Variants in RNGTT observed in about 807,000 individuals in gnomAD.
The protein encoded by RNGTT is mRNA-capping enzyme.
Under a neutral mutation model 79.3 loss-of-function variants are expected in RNGTT, and 33 were observed. That is an observed-to-expected ratio of 0.42 (90% CI 0.32 to 0.56). RNGTT has a LOEUF of 0.56. Ranked by LOEUF, RNGTT falls within the 20% of genes least tolerant of loss-of-function variation. The probability of loss-of-function intolerance (pLI) is 0.17; values close to 1 mark genes in which losing one functional copy is unlikely to be tolerated. For missense variants in RNGTT, 497 were observed against 739.1 expected (o/e 0.67, Z 3.80); for synonymous variants, 222 against 235.9 (o/e 0.94, Z 0.54).
intron 12 of RNGTT, among the ~76,000 whole-genome samples, chr6:88,773,626 C>T (rs532195329): frequency 7.1e-4 from 107 of 151,768 alleles, no homozygotes; most frequent in Non-Finnish European, 1.3e-3. Context: ...AAAACACCAA[C>T]AGAATAGAAT....
chr6:88,802,735 C>T (rs1208414990), intron 11 of RNGTT, among the ~76,000 whole-genome samples: 1 of 152,106 alleles, frequency 6.6e-6, no homozygotes, highest in African/African-American at 2.4e-5. Context: ...GAGTGTCAAG[C>T]AAAGGGGGAA....
rs576698065 is a variant in RNGTT at position 88,963,603 on chromosome 6, G to A, written c.-194C>T. 330 of 511,092 alleles carry A rather than the reference G, an allele frequency of 6.5e-4. 3 individuals are homozygous for A. Among genetic ancestry groups the A allele is most frequent in the African/African-American group, 6.1e-3 (305 of 49,756 alleles). The allele number at this position is 511,092 out of a possible 1,614,324, so 31.7% of individuals were successfully genotyped here. Reference sequence around the variant, plus strand: ...ATTCAGGATCAACTCCACAGCTCCAGGAGAACCCACAATGCACCGCAACTT... The same window carrying A: ...ATTCAGGATCAACTCCACAGCTCCAAGAGAACCCACAATGCACCGCAACTT... On this transcript the variant is annotated 5_prime_UTR_variant, in exon 1 of 16. Coordinates refer to ENST00000369485, the MANE Select transcript of RNGTT (RefSeq NM_003800.5).
chr6:88,945,852 C>A (rs1784991536), intron 1 of RNGTT, among the ~76,000 whole-genome samples: 1 of 152,160 alleles, frequency 6.6e-6, no homozygotes, highest in African/African-American at 2.4e-5. Context: ...CTGCTCCTCC[C>A]CTTTCATAGC....
At chr6:88,735,567 T>TA (rs71554796) in intron 13 of RNGTT, among the ~76,000 whole-genome samples, 2,383 of 120,756 alleles carry the variant, frequency 0.02, 43 homozygotes, top group East Asian at 0.062. Flanking sequence ...ACACGAGTGT[T>TA]AAAAAAAAAA....
chr6:88,836,384 C>T (rs994430621), intron 11 of RNGTT, among the ~76,000 whole-genome samples: 1 of 151,970 alleles, frequency 6.6e-6, no homozygotes, highest in Admixed American at 6.6e-5. Flanking sequence ...AAAACTCTCA[C>T]AATCCTGGGA....
intron 14 of RNGTT, among the ~76,000 whole-genome samples, chr6:88,633,295 A>G (rs1405877973): frequency 6.6e-6 from 1 of 152,170 alleles, no homozygotes; most frequent in Non-Finnish European, 1.5e-5. Context: ...ACATTATACA[A>G]AGGAATTATA....
At chr6:88,646,389 T>C (rs1424896947) in intron 14 of RNGTT, among the ~76,000 whole-genome samples, 1 of 152,232 alleles carries the variant, frequency 6.6e-6, no homozygotes, top group Non-Finnish European at 1.5e-5. Flanking sequence ...TTTTACACTG[T>C]TGGTGGGACT....
chr6:88,737,059 G>A (rs1340671964), intron 13 of RNGTT, among the ~76,000 whole-genome samples: 1 of 152,164 alleles, frequency 6.6e-6, no homozygotes, highest in African/African-American at 2.4e-5. Context: ...GTTCTGAAAG[G>A]CACAGCATGA....
chr6:88,641,984 T>C (rs549567502), intron 14 of RNGTT, among the ~76,000 whole-genome samples: 9 of 152,250 alleles, frequency 5.9e-5, no homozygotes, highest in Middle Eastern at 6.8e-3. Context: ...AGAGTGTTAA[T>C]AGTGCCTTAA....
At chr6:88,897,459 C>T (rs1783289331) in intron 6 of RNGTT, among the ~76,000 whole-genome samples, 1 of 152,178 alleles carries the variant, frequency 6.6e-6, no homozygotes, top group Non-Finnish European at 1.5e-5. Context: ...ATTTCTCTAT[C>T]ATTATTCCCC....
intron 4 of RNGTT, among the ~76,000 whole-genome samples, chr6:88,915,817 A>G (rs1049922001): frequency 2.0e-5 from 3 of 152,228 alleles, no homozygotes; most frequent in African/African-American, 4.8e-5. Context: ...AATATTTGCA[A>G]CCCATATATC....
At chr6:88,903,324 G>A (rs776401696) in intron 6 of RNGTT, among the ~76,000 whole-genome samples, 2 of 152,070 alleles carry the variant, frequency 1.3e-5, no homozygotes, top group Non-Finnish European at 2.9e-5. Context: ...TGCCACTAGT[G>A]AGCCATAATC....
chr6:88,957,253 G>A (rs1331214300), intron 1 of RNGTT, among the ~76,000 whole-genome samples: 1 of 152,106 alleles, frequency 6.6e-6, no homozygotes, highest in Non-Finnish European at 1.5e-5. Flanking sequence ...ACAAACACAT[G>A]ACCAACACTA....
At chr6:88,613,858 T>C (rs935639872) in intron 15 of RNGTT, among the ~76,000 whole-genome samples, 1 of 152,256 alleles carries the variant, frequency 6.6e-6, no homozygotes, top group Non-Finnish European at 1.5e-5. Flanking sequence ...GTTTACTTTG[T>C]TCTCCATTGT....
At chr6:88,811,611 T>C (rs577472426) in intron 11 of RNGTT, among the ~76,000 whole-genome samples, 18 of 152,250 alleles carry the variant, frequency 1.2e-4, no homozygotes, top group African/African-American at 4.3e-4. Flanking sequence ...AGGAGCCTTT[T>C]AAAAATAATA....
intron 8 of RNGTT, among the ~76,000 whole-genome samples, chr6:88,861,471 G>A (rs1049287982): frequency 6.6e-6 from 1 of 152,040 alleles, no homozygotes; most frequent in Non-Finnish European, 1.5e-5. Context: ...TTCTGCCTCT[G>A]ATAACCTCTT....
intron 12 of RNGTT, among the ~76,000 whole-genome samples, chr6:88,789,986 T>C (rs1460117239): frequency 6.6e-6 from 1 of 152,188 alleles, no homozygotes; most frequent in Non-Finnish European, 1.5e-5. Context: ...AGACTAAACA[T>C]GTATTTATGC....
intron 2 of RNGTT, among the ~76,000 whole-genome samples, chr6:88,929,862 A>T (rs2127953749): frequency 6.6e-6 from 1 of 151,654 alleles, no homozygotes; most frequent in Admixed American, 6.6e-5. Flanking sequence ...ACATATGTAT[A>T]CATATGCATA....
At chr6:88,836,125 T>C (rs1781072218) in intron 11 of RNGTT, among the ~76,000 whole-genome samples, 1 of 149,888 alleles carries the variant, frequency 6.7e-6, no homozygotes, top group South Asian at 2.1e-4. Flanking sequence ...GGAAGTTATC[T>C]GGGACAATAA....
Sources: allele counts gnomAD v4.1 joint callset (sites outside exome capture counted in the v4.1 genomes callset), GRCh38; gene constraint gnomAD v4.1.1; transcripts MANE v1.5; gene names NCBI Gene and HGNC (gene_info 2026-07-23, HGNC 2026-07-21).